Variants in MAP4K5 observed in about 807,000 individuals in gnomAD.
The protein encoded by MAP4K5 is MAPK/ERK kinase kinase kinase 5.
MAP4K5 carries 82 observed loss-of-function variants against 135.6 expected under a neutral mutation model. The ratio of observed to expected loss-of-function variants is 0.60; its 90% CI spans 0.51 to 0.73. The LOEUF is 0.73. MAP4K5 is among the 30% of genes least tolerant of loss of function. MAP4K5 has a pLI of 0.00. For missense variants in MAP4K5, 907 were observed against 1,010.9 expected, an observed-to-expected ratio of 0.90 and a Z score of 1.39; for synonymous variants, 347 against 335.0, an observed-to-expected ratio of 1.04 and a Z score of -0.39.
intron 1 of MAP4K5, among the ~76,000 whole-genome samples, chr14:50,555,108 TAGAG>T (rs2038749467): frequency 6.6e-6 from 1 of 152,186 alleles, no homozygotes; most frequent in African/African-American, 2.4e-5. Flanking sequence ...GTTGTACCCT[TAGAG>T]AGAATGGATA....
intron 14 of MAP4K5, among the ~76,000 whole-genome samples, chr14:50,454,760 C>G (rs1271798300): frequency 6.6e-6 from 1 of 151,680 alleles, no homozygotes; most frequent in Non-Finnish European, 1.5e-5. Flanking sequence ...GTCAACTCTC[C>G]CAAAGTAATA....
chr14:50,548,079 C>G (rs76989639), intron 1 of MAP4K5, among the ~76,000 whole-genome samples: 2,155 of 152,164 alleles, frequency 0.014, 42 homozygotes, highest in African/African-American at 0.049. Flanking sequence ...GGATGGGAAG[C>G]CAACCCCAAA....
Position 50,476,307 on chromosome 14 carries a change from C to T in MAP4K5, c.379-1G>A, listed in dbSNP as rs1396923396. The T allele has an allele frequency of 7.2e-7, 1 of 1,391,542 alleles. No individual in the cohort carries two copies. Among genetic ancestry groups the T allele is most frequent in the South Asian group, 1.6e-5 (1 of 60,680 alleles). The allele number at this position is 1,391,542 out of a possible 1,614,324, so 86.2% of individuals were successfully genotyped here. On this transcript the variant is annotated splice_acceptor_variant, in intron 6 of 32. Transcript: ENST00000682126. LOFTEE classifies it high-confidence loss of function. The stretch of plus-strand genomic sequence containing the variant: ...CTTTAGTATGCAAATAGGCAAGACC[C>T]TAAAAGTTTAAAAAAAAAAAAAAAG...
At position 50,468,655 on chromosome 14, in the gene MAP4K5, T is replaced by C. The variant is rs774818902; in HGVS notation, c.670A>G (p.Met224Val). 5.0e-6 allele frequency: 8 copies of C among 1,613,114 alleles called. No individual in the cohort carries two copies. Among genetic ancestry groups the C allele is most frequent in the East Asian group, 2.2e-5 (1 of 44,872 alleles). ...LQPPMFDLHPMRALFLMSKSN... is the reference protein window; with the variant it reads ...LQPPMFDLHPVRALFLMSKSN... ...AATTATAAATAATGAGAACACCTCA[T>C]TGGGTGGAGATCAAACATAGGTGGC... is the stretch of plus-strand genomic sequence containing the variant. Residue 224 changes from methionine to valine, a missense_variant, in exon 10 of 33, where the codon ATG (methionine) becomes GTG (valine). Around this residue, in one of 3 missense-constraint regions of MAP4K5, gnomAD observed 690 missense variants for 777.4 expected, o/e 0.89. Coordinates refer to ENST00000682126, the MANE Select transcript of MAP4K5 (RefSeq NM_006575.6).
At chr14:50,530,194 A>T (rs1200728992) in intron 2 of MAP4K5, among the ~76,000 whole-genome samples, 1 of 152,132 alleles carries the variant, frequency 6.6e-6, no homozygotes, top group African/African-American at 2.4e-5. Flanking sequence ...AGTATGATGA[A>T]TATTCGGTTT....
rs750627210 is a variant in MAP4K5, at chr14:50,420,063, G to A, written c.2497C>T (p.His833Tyr). Residue 833 changes from histidine to tyrosine, a missense_variant, in exon 33 of 33, where the codon CAC (histidine) becomes TAC (tyrosine). Physicochemically the swap from His to Tyr is moderately conservative, Grantham distance 83. Around this residue, in one of 3 missense-constraint regions of MAP4K5, gnomAD observed 690 missense variants for 777.4 expected, o/e 0.89. Transcript: ENST00000682126. Reference sequence around the variant, plus strand: ...CCAGCCAAGATGTAGAGATTGCTGTGTGCAGTAGGATTTTCTGTTGGCCTA... The same window carrying A: ...CCAGCCAAGATGTAGAGATTGCTGTATGCAGTAGGATTTTCTGTTGGCCTA... The part of the protein sequence containing the change: ...ESRPTENPTA[H>Y]SNLYILAGHE... 1.2e-6 allele frequency: 2 copies of A among 1,610,916 alleles called. No individual in the cohort carries two copies. The highest frequency in any genetic ancestry group is 1.7e-6 in the Non-Finnish European group (2 of 1,178,500).
upstream of MAP4K5, among the ~76,000 whole-genome samples, chr14:50,537,222 G>A (rs2356444): frequency 0.99 from 151,420 of 152,354 alleles, 75,257 homozygotes; most frequent in Middle Eastern, 1. Flanking sequence ...AGCTGGGGCC[G>A]TGGCTTCAGA....
At chr14:50,456,652 G>T in intron 13 of MAP4K5, 58 bp from the exon 14 acceptor site, 1 of 1,067,782 alleles carries the variant, frequency 9.4e-7, no homozygotes. Flanking sequence ...AAGTTAAAAG[G>T]TCAAACTTTC....
chr14:50,536,351 G>C (rs539941369), upstream of MAP4K5, among the ~76,000 whole-genome samples: 1 of 150,912 alleles, frequency 6.6e-6, no homozygotes, highest in Non-Finnish European at 1.5e-5. Flanking sequence ...CAGGAGAATC[G>C]CTTGAACCCA....
chr14:50,504,992 G>T (rs2037779901), intron 2 of MAP4K5, 135 bp from the exon 3 acceptor site: 1 of 549,010 alleles, frequency 1.8e-6, no homozygotes, highest in African/African-American at 2.0e-5. Flanking sequence ...CCAATAAAAT[G>T]CTGAGCAAAC....
chr14:50,560,123 C>T, intron 1 of MAP4K5: 2 of 951,882 alleles, frequency 2.1e-6, no homozygotes, highest in Non-Finnish European at 3.3e-6. Flanking sequence ...CTCCTTCCCA[C>T]CAGCGCCACA....
At chr14:50,482,451 T>C in intron 5 of MAP4K5, 35 bp from the exon 6 acceptor site, 3 of 1,389,814 alleles carry the variant, frequency 2.2e-6, no homozygotes, top group Non-Finnish European at 2.9e-6. Context: ...GTTATACATT[T>C]AAACCTAACA....
At chr14:50,511,957 A>G (rs1279851005) in intron 2 of MAP4K5, among the ~76,000 whole-genome samples, 1 of 152,138 alleles carries the variant, frequency 6.6e-6, no homozygotes, top group Non-Finnish European at 1.5e-5. Context: ...TCTGTATGAA[A>G]TGGTAATGAT....
At position 50,429,187 on chromosome 14, in the gene MAP4K5, CT is replaced by C; in HGVS notation, c.2233+4del. On this transcript the variant is annotated splice_donor_region_variant and intron_variant, in intron 29 of 32. Transcript: ENST00000682126. The stretch of plus-strand genomic sequence containing the variant: ...ACTCAAAATAAAATTAAAAATAGTA[CT>C]TACTGTCTAAACACACTAAAACGGT... 6.7e-7 allele frequency: 1 copy of C among 1,498,370 alleles called. No individual in the cohort carries two copies. The highest frequency in any genetic ancestry group is 9.0e-7 in the Non-Finnish European group (1 of 1,106,420). The allele number at this position is 1,498,370 out of a possible 1,614,324, so 92.8% of individuals were successfully genotyped here.
At chr14:50,429,766 G>T (rs1020525282) in intron 28 of MAP4K5, among the ~76,000 whole-genome samples, 3 of 152,116 alleles carry the variant, frequency 2.0e-5, no homozygotes, top group Admixed American at 6.6e-5. Flanking sequence ...AGGTGGGTGG[G>T]AGTTCTTTTA....
intron 6 of MAP4K5, among the ~76,000 whole-genome samples, chr14:50,476,739 G>C (rs936213814): frequency 6.6e-6 from 1 of 152,242 alleles, no homozygotes. Context: ...TGGGATTACA[G>C]GCGTGAGCCA....
At chr14:50,540,711 C>A (rs2038550140) in intron 2 of MAP4K5, among the ~76,000 whole-genome samples, 1 of 152,142 alleles carries the variant, frequency 6.6e-6, no homozygotes, top group African/African-American at 2.4e-5. Flanking sequence ...TTTTTCCAGT[C>A]CCAAAATATA....
chr14:50,518,695 C>T (rs1220455640), intron 2 of MAP4K5, among the ~76,000 whole-genome samples: 2 of 152,196 alleles, frequency 1.3e-5, no homozygotes, highest in Middle Eastern at 3.2e-3. Flanking sequence ...CTCAGGTCTT[C>T]CGCCCAATCT....
intron 6 of MAP4K5, among the ~76,000 whole-genome samples, chr14:50,478,831 T>A (rs966891705): frequency 2.6e-5 from 4 of 152,152 alleles, no homozygotes; most frequent in African/African-American, 7.2e-5. Flanking sequence ...GAATTTTAGG[T>A]TGACAATTTT....
Sources: allele counts gnomAD v4.1 joint callset (sites outside exome capture counted in the v4.1 genomes callset), GRCh38; gene constraint gnomAD v4.1.1; regional missense constraint gnomAD v4.1.1; transcripts MANE v1.5; gene names NCBI Gene and HGNC (gene_info 2026-07-23, HGNC 2026-07-21).